Variants in UPP2 observed in about 807,000 individuals in gnomAD.
UPP2 encodes uridine phosphorylase 2.
In UPP2, 23 loss-of-function variants were observed where a neutral mutation model predicts 26.7. That is an observed-to-expected ratio of 0.86 (90% CI 0.62 to 1.22). The LOEUF (loss-of-function observed/expected upper bound fraction) is 1.22. Ranked by LOEUF, UPP2 falls within the 50% of genes most tolerant of loss-of-function variation. UPP2 has a pLI of 0.00. For synonymous variants in UPP2, 127 were observed against 141.3 expected, an observed-to-expected ratio of 0.90 and a Z score of 0.72; for missense variants, 387 against 396.7, an observed-to-expected ratio of 0.98 and a Z score of 0.21.
chr2:158,017,280 A>C (rs965965331), intron 3 of UPP2, among the ~76,000 whole-genome samples: 1 of 152,118 alleles, frequency 6.6e-6, no homozygotes, highest in Admixed American at 6.5e-5. Flanking sequence ...TCCTAACTTT[A>C]TTTTAAAAAT....
intron 3 of UPP2, among the ~76,000 whole-genome samples, chr2:158,096,011 A>G (rs958116377): frequency 6.6e-6 from 1 of 152,174 alleles, no homozygotes; most frequent in Non-Finnish European, 1.5e-5. Context: ...ATTGAAGTCA[A>G]GTACATGCAG....
chr2:158,058,518 G>T (rs1682299356), intron 3 of UPP2, among the ~76,000 whole-genome samples: 1 of 151,672 alleles, frequency 6.6e-6, no homozygotes, highest in Admixed American at 6.6e-5. Flanking sequence ...AAGCTAGGAA[G>T]ACAGGCCTCT....
chr2:158,017,109 A>AAAAAC (rs1178937475), intron 3 of UPP2, among the ~76,000 whole-genome samples: 1 of 152,222 alleles, frequency 6.6e-6, no homozygotes, highest in East Asian at 1.9e-4. Context: ...AGGTATTTAA[A>AAAAAC]AAAACATAAA....
chr2:158,121,411 AT>A lies in UPP2; in HGVS notation c.459del (p.Ile153MetfsTer7). 1 of 1,611,380 alleles carries A rather than the reference AT, an allele frequency of 6.2e-7. No individual in the cohort carries two copies. Among genetic ancestry groups the A allele is most frequent in the South Asian group, 1.1e-5 (1 of 91,042 alleles). ...AATCATTTATTCCCACATTGCAGGG[AT>A]TGCACCAGGGACTGTTGTAATAACG... ...IRIGTSGGIG[I>X]APGTVVITDI... On this transcript the variant is annotated frameshift_variant, in exon 5 of 7. Transcript: ENST00000005756. LOFTEE classifies it high-confidence loss of function.
chr2:157,997,622 T>C (rs576573952), intron 2 of UPP2, among the ~76,000 whole-genome samples: 1 of 152,312 alleles, frequency 6.6e-6, no homozygotes, highest in South Asian at 2.1e-4. Flanking sequence ...TCAAAGCATG[T>C]ACCACATCCT....
chr2:158,007,629 C>CTT (rs201694046), intron 2 of UPP2, among the ~76,000 whole-genome samples: 4 of 142,630 alleles, frequency 2.8e-5, no homozygotes, highest in Non-Finnish European at 4.6e-5. Flanking sequence ...CTCTCTCTCT[C>CTT]TTTTTTTTTT....
In UPP2 at chr2:158,058,542, C is replaced by T. The variant is rs368633537; in HGVS notation, c.147+42656C>T. ...AGACAGGCCTCTCCAGAAACCAACC[C>T]CCTGACATTACCTTGATCTTGGACT... On this transcript the variant is annotated intron_variant, in intron 3 of 9. Transcript: ENST00000605860. Among the ~76,000 whole-genome samples, 20 of 152,030 alleles carry T rather than the reference C, an allele frequency of 1.3e-4. No individual in the cohort carries two copies. In the East Asian group the frequency reaches 3.1e-3, roughly 24 times the overall value.
At chr2:158,032,499 T>C (rs1312152629) in intron 3 of UPP2, among the ~76,000 whole-genome samples, 3 of 151,896 alleles carry the variant, frequency 2.0e-5, no homozygotes, top group African/African-American at 7.3e-5. Flanking sequence ...GTGTATGACA[T>C]AGGACAGGGG....
At chr2:158,106,245 T>C (rs772291587) in intron 2 of UPP2, 29 bp downstream of exon 2, 2 of 1,588,226 alleles carry the variant, frequency 1.3e-6, no homozygotes, top group East Asian at 4.5e-5. Context: ...TCAGGAAAAA[T>C]GATTGAGTTT....
In UPP2 at chr2:158,027,997, C is replaced by T. The variant is rs573148133; in HGVS notation, c.147+12111C>T. On this transcript the variant is annotated intron_variant, in intron 3 of 9. Transcript: ENST00000605860. Reference sequence around the variant, plus strand: ...CAGCACTGGGATCCTGGGCCAGGCCCACGAAACCATTTTCTCCTAGGCCTC... The same window carrying T: ...CAGCACTGGGATCCTGGGCCAGGCCTACGAAACCATTTTCTCCTAGGCCTC... 1.8e-4 allele frequency among the ~76,000 whole-genome samples: 28 copies of T among 152,312 alleles called. No individual in the cohort carries two copies. The South Asian group carries it at 2.7e-3, about 15-fold the overall frequency.
chr2:158,096,168 G>A (rs542718363), intron 3 of UPP2, among the ~76,000 whole-genome samples: 13 of 152,304 alleles, frequency 8.5e-5, no homozygotes, highest in South Asian at 6.2e-4. Flanking sequence ...GTGAATTTAC[G>A]CTTTGGTCAC....
upstream of UPP2, chr2:158,101,734 A>T: frequency 1.7e-6 from 1 of 575,492 alleles, no homozygotes; most frequent in Non-Finnish European, 2.3e-6. Context: ...GAAAGTTCTC[A>T]CCAATAGTTA....
chr2:158,059,372 T>G (rs1185653970), intron 3 of UPP2, among the ~76,000 whole-genome samples: 1 of 152,234 alleles, frequency 6.6e-6, no homozygotes, highest in Non-Finnish European at 1.5e-5. Context: ...TATATGGCCA[T>G]TTAAATTGAT....
intron 2 of UPP2, among the ~76,000 whole-genome samples, chr2:158,014,290 C>T (rs1305976488): frequency 6.6e-6 from 1 of 152,184 alleles, no homozygotes; most frequent in Non-Finnish European, 1.5e-5. Context: ...GAAAGTTAAG[C>T]AGGGGAGCTC....
chr2:158,050,559 AG>A (rs35460315), intron 3 of UPP2, among the ~76,000 whole-genome samples: 1 of 26,674 alleles, frequency 3.7e-5, no homozygotes, highest in Non-Finnish European at 1.5e-4. Flanking sequence ...GCTACTTAGG[AG>A]GCTGAGGCGG....
At chr2:158,083,861 T>TA (rs1379761473) in intron 3 of UPP2, among the ~76,000 whole-genome samples, 2,860 of 134,494 alleles carry the variant, frequency 0.021, 82 homozygotes, top group African/African-American at 0.071. Context: ...TATATATATA[T>TA]GTTTTTTATA....
chr2:158,115,113 G>C lies in UPP2; in HGVS notation c.193G>C (p.Gly65Arg). The C allele has an allele frequency of 6.2e-7, 1 of 1,605,482 alleles. No individual in the cohort carries two copies. The highest frequency in any genetic ancestry group is 8.5e-7 in the Non-Finnish European group (1 of 1,177,402). The change falls in exon 3 of 7, where the codon GGT (glycine) becomes CGT (arginine). Residue 65 changes from glycine (G) to arginine (R), a missense_variant. Physicochemically the swap from Gly to Arg is moderately radical, Grantham distance 125 (BLOSUM62 -2). Coordinates refer to ENST00000005756, the MANE Select transcript of UPP2 (RefSeq NM_173355.4). ...TTTTTATTAACAGTTTGTCTGTGTC[G>C]GTGGGAGCCCCAACAGAATGAAAGC... ...MFGDVKFVCV[G>R]GSPNRMKAFA...
upstream of UPP2, among the ~76,000 whole-genome samples, chr2:158,097,809 G>A (rs13420712): frequency 0.026 from 3,968 of 152,222 alleles, 176 homozygotes; most frequent in African/African-American, 0.087. Context: ...AACAAACACC[G>A]TAGGGTTGTA....
chr2:158,071,093 G>A (rs929327828), intron 3 of UPP2, among the ~76,000 whole-genome samples: 3 of 152,180 alleles, frequency 2.0e-5, no homozygotes, highest in African/African-American at 7.2e-5. Flanking sequence ...AAATTAAAAG[G>A]CAGTCAGGGA....
Sources: allele counts gnomAD v4.1 joint callset (sites outside exome capture counted in the v4.1 genomes callset), GRCh38; gene constraint gnomAD v4.1.1; transcripts MANE v1.5; gene names NCBI Gene and HGNC (gene_info 2026-07-23, HGNC 2026-07-21).